SAMD5: variants seen among roughly 807,000 people sequenced by gnomAD.
SAMD5 encodes sterile alpha motif domain containing 5.
SAMD5 carries 13 observed loss-of-function variants against 11.3 expected under a neutral mutation model. That is an observed-to-expected ratio of 1.15 (90% CI 0.75 to 1.83). The LOEUF (loss-of-function observed/expected upper bound fraction) is 1.83, where lower values mean the gene tolerates loss of function less well. SAMD5 is among the 40% of genes most tolerant of loss of function. SAMD5 has a pLI of 0.00. For missense variants in SAMD5, 255 were observed against 239.1 expected, an observed-to-expected ratio of 1.07 and a Z score of -0.44; for synonymous variants, 129 against 111.3, an observed-to-expected ratio of 1.16 and a Z score of -1.00.
chr6:147,896,763 ACGCATC>A, the SAMD5 span, among the ~76,000 whole-genome samples: 3 of 141,494 alleles, frequency 2.1e-5, no homozygotes, highest in South Asian at 4.6e-4. Flanking sequence ...AAAAAAAAAA[ACGCATC>A]ACCAGCAAAG....
chr6:147,896,750 A>AAAAAAAACAAAAAACAAAC, the SAMD5 span, among the ~76,000 whole-genome samples: 1 of 115,632 alleles, frequency 8.6e-6, no homozygotes, highest in African/African-American at 4.8e-5. Context: ...AAAAAAAAAA[A>AAAAAAAACAAAAAACAAAC]AAAAAAAAAA....
At chr6:147,537,612 G>T (rs895317985) in intron 1 of SAMD5, among the ~76,000 whole-genome samples, 1 of 152,054 alleles carries the variant, frequency 6.6e-6, no homozygotes, top group Non-Finnish European at 1.5e-5. Context: ...AAAATTAGCG[G>T]GCGTGGTGGC....
intron 1 of SAMD5, among the ~76,000 whole-genome samples, chr6:147,602,149 A>G (rs548487085): frequency 2.0e-5 from 3 of 152,314 alleles, no homozygotes; most frequent in Admixed American, 6.5e-5. Context: ...CTACATAACA[A>G]CTTGAGAACT....
chr6:147,712,840 C>T (rs1791418865), intron 1 of SAMD5, among the ~76,000 whole-genome samples: 1 of 151,786 alleles, frequency 6.6e-6, no homozygotes, highest in Non-Finnish European at 1.5e-5. Flanking sequence ...GTTTAAGCCA[C>T]CAAGTCTATG....
intron 1 of SAMD5, among the ~76,000 whole-genome samples, chr6:147,607,938 GA>G (rs901763997): frequency 2.0e-5 from 3 of 151,870 alleles, no homozygotes; most frequent in Non-Finnish European, 2.9e-5. Context: ...AACTCTGTAG[GA>G]AAAAAAATCT....
chr6:147,928,756 G>T, the SAMD5 span, among the ~76,000 whole-genome samples: 1 of 151,990 alleles, frequency 6.6e-6, no homozygotes, highest in Non-Finnish European at 1.5e-5. Context: ...GTGATGTTAG[G>T]TTGTTAATTT....
the SAMD5 span, among the ~76,000 whole-genome samples, chr6:147,881,777 G>T: frequency 6.6e-6 from 1 of 152,296 alleles, no homozygotes; most frequent in Non-Finnish European, 1.5e-5. Context: ...CTCACTTCAA[G>T]AAGTTACACG....
chr6:147,780,151 A>C, the SAMD5 span, among the ~76,000 whole-genome samples: 4,403 of 152,058 alleles, frequency 0.029, 71 homozygotes, highest in Middle Eastern at 0.052. Context: ...CTTAGATCAC[A>C]GTATCCTGAT....
intron 1 of SAMD5, among the ~76,000 whole-genome samples, chr6:147,714,509 C>A (rs138626834): frequency 6.6e-6 from 1 of 152,072 alleles, no homozygotes; most frequent in Non-Finnish European, 1.5e-5. Flanking sequence ...GTCCTTCTAC[C>A]TGGAAGAGGG....
intron 1 of SAMD5, among the ~76,000 whole-genome samples, chr6:147,666,938 A>AC (rs1790731132): frequency 6.6e-6 from 1 of 152,034 alleles, no homozygotes; most frequent in Admixed American, 6.6e-5. Flanking sequence ...GGCAGTGCTC[A>AC]CCCTGAAGCC....
rs369546691 is a variant in SAMD5 at position 147,680,985 on chromosome 6, G to C, written c.163-56332G>C. ...TCCTGTAGTCATTTTTTATGGTGTT[G>C]GCATCAGGGTTAAGCTGCCTCATAG... is the stretch of plus-strand genomic sequence containing the variant. On this transcript the variant is annotated intron_variant, in intron 1 of 1. Transcript: ENST00000566741. 2.6e-5 allele frequency among the ~76,000 whole-genome samples: 4 copies of C among 152,072 alleles called. No individual in the cohort carries two copies. In the East Asian group the frequency reaches 5.8e-4, roughly 22 times the overall value.
At chr6:147,856,166 C>T in the SAMD5 span, among the ~76,000 whole-genome samples, 11 of 152,102 alleles carry the variant, frequency 7.2e-5, no homozygotes, top group Non-Finnish European at 1.6e-4. Flanking sequence ...TGGAAAAAGT[C>T]TATAACACAA....
chr6:147,530,033 G>GT (rs1225746682), intron 1 of SAMD5, among the ~76,000 whole-genome samples: 3 of 152,156 alleles, frequency 2.0e-5, no homozygotes, highest in African/African-American at 7.2e-5. Context: ...TTCTTATGGT[G>GT]TTTCTTTTTT....
the SAMD5 span, among the ~76,000 whole-genome samples, chr6:147,878,612 GAT>G: frequency 4.2e-5 from 6 of 142,080 alleles, no homozygotes; most frequent in Admixed American, 7.1e-5. Context: ...TATCTATATA[GAT>G]ATATATGTAT....
At chr6:147,888,728 C>CA in the SAMD5 span, among the ~76,000 whole-genome samples, 1 of 151,834 alleles carries the variant, frequency 6.6e-6, no homozygotes, top group South Asian at 2.1e-4. Context: ...ACTAAAAACA[C>CA]AAAAAAGTTA....
intron 1 of SAMD5, among the ~76,000 whole-genome samples, chr6:147,649,568 G>A (rs1033292471): frequency 2.0e-5 from 3 of 152,156 alleles, no homozygotes; most frequent in Non-Finnish European, 4.4e-5. Flanking sequence ...AAGGCAGGCA[G>A]ATCACCTGAG....
chr6:147,853,839 A>G, the SAMD5 span, among the ~76,000 whole-genome samples: 12 of 152,186 alleles, frequency 7.9e-5, no homozygotes, highest in Admixed American at 5.2e-4. Flanking sequence ...ATTATTCATT[A>G]TCATTAATAG....
At chr6:147,601,245 T>C (rs1465684126) in intron 1 of SAMD5, among the ~76,000 whole-genome samples, 2 of 152,114 alleles carry the variant, frequency 1.3e-5, no homozygotes, top group African/African-American at 2.4e-5. Context: ...TATCCAAAAA[T>C]AAGCAAATCA....
At chr6:147,879,331 T>C in the SAMD5 span, among the ~76,000 whole-genome samples, 1 of 152,196 alleles carries the variant, frequency 6.6e-6, no homozygotes, top group African/African-American at 2.4e-5. Flanking sequence ...TTAAGCTTAG[T>C]GCCCGTGGAC....
Sources: gnomAD v4.1 joint callset for allele counts (sites outside exome capture counted in the v4.1 genomes callset) on GRCh38, gnomAD v4.1.1 for gene constraint, MANE v1.5 for transcripts, NCBI Gene and HGNC (gene_info 2026-07-23, HGNC 2026-07-21) for gene names.